Variants in KDM4C observed in about 807,000 individuals in gnomAD.
The protein encoded by KDM4C is lysine demethylase 4C, also known as lysine-specific demethylase 4C.
A neutral mutation model predicts 129.3 loss-of-function variants in KDM4C; 81 were observed. That is an observed-to-expected ratio of 0.63 (90% CI 0.52 to 0.75). The LOEUF (loss-of-function observed/expected upper bound fraction) is 0.75, where lower values mean the gene tolerates loss of function less well. Ranked by LOEUF, KDM4C falls within the 30% of genes least tolerant of loss-of-function variation. The pLI is 0.00. For missense variants in KDM4C, 1,457 were observed against 1,304.0 expected, an observed-to-expected ratio of 1.12 and a Z score of -1.81; for synonymous variants, 573 against 456.1, an observed-to-expected ratio of 1.26 and a Z score of -3.26.
chr9:6,942,700 T>C (rs938356395), intron 8 of KDM4C: 1 of 152,202 alleles, frequency 6.6e-6, no homozygotes, highest in Non-Finnish European at 1.5e-5. Flanking sequence ...ATTACAATTG[T>C]GTACTTCCTT....
chr9:6,923,902 G>A (rs538874475), intron 8 of KDM4C, among the ~76,000 whole-genome samples: 21 of 152,306 alleles, frequency 1.4e-4, no homozygotes, highest in Non-Finnish European at 2.5e-4. Context: ...AAAAAAGCAG[G>A]AATCTGAGAA....
chr9:6,843,858 A>G (rs1837402623), intron 4 of KDM4C, among the ~76,000 whole-genome samples: 1 of 152,130 alleles, frequency 6.6e-6, no homozygotes. Context: ...TGGACATGCC[A>G]TCTTTTTCTT....
intron 1 of KDM4C, among the ~76,000 whole-genome samples, chr9:6,749,473 G>A (rs568158373): frequency 2.0e-5 from 3 of 151,992 alleles, no homozygotes; most frequent in Non-Finnish European, 4.4e-5. Context: ...CTAAGTGTGG[G>A]CAATATGGTG....
At chr9:6,745,623 T>C (rs949726498) in intron 1 of KDM4C, among the ~76,000 whole-genome samples, 5 of 151,732 alleles carry the variant, frequency 3.3e-5, no homozygotes, top group Non-Finnish European at 7.4e-5. Context: ...TATTGTATTA[T>C]GTTACATTAC....
intron 8 of KDM4C, among the ~76,000 whole-genome samples, chr9:6,939,699 A>G (rs1407423535): frequency 6.6e-6 from 1 of 152,220 alleles, no homozygotes; most frequent in African/African-American, 2.4e-5. Flanking sequence ...AAGAATAGGC[A>G]GCAGTCTGTT....
chr9:7,097,310 T>A (rs1266400375), intron 17 of KDM4C, among the ~76,000 whole-genome samples: 1 of 152,220 alleles, frequency 6.6e-6, no homozygotes, highest in Non-Finnish European at 1.5e-5. Context: ...ACATAGCATC[T>A]AAACTCCGAG....
chr9:7,133,450 A>T (rs956049512), intron 19 of KDM4C, among the ~76,000 whole-genome samples: 1 of 152,068 alleles, frequency 6.6e-6, no homozygotes. Context: ...GTGTTTTCTG[A>T]GTGTATTTTT....
intron 8 of KDM4C, among the ~76,000 whole-genome samples, chr9:6,926,707 CGGA>C (rs1822625574): frequency 6.6e-6 from 1 of 152,126 alleles, no homozygotes; most frequent in Admixed American, 6.6e-5. Flanking sequence ...TTTAGAGAAA[CGGA>C]CATTCAGAAA....
intron 19 of KDM4C, among the ~76,000 whole-genome samples, chr9:7,154,030 G>T (rs1242571574): frequency 4.6e-5 from 7 of 152,184 alleles, no homozygotes; most frequent in African/African-American, 1.7e-4. Flanking sequence ...TCCTGGGCTG[G>T]TGCAGCCCAC....
At chr9:7,139,131 C>A (rs1036019680) in intron 19 of KDM4C, among the ~76,000 whole-genome samples, 3 of 152,028 alleles carry the variant, frequency 2.0e-5, no homozygotes, top group Non-Finnish European at 4.4e-5. Context: ...AAAAATTAGC[C>A]AGGCATGGTG....
chr9:7,092,082 A>G (rs1835872416), intron 17 of KDM4C, among the ~76,000 whole-genome samples: 1 of 152,208 alleles, frequency 6.6e-6, no homozygotes, highest in South Asian at 2.1e-4. Context: ...GGCAAACTGA[A>G]AAGAACTGAT....
chr9:7,001,787 G>T (rs1370806425), intron 12 of KDM4C, among the ~76,000 whole-genome samples: 1 of 151,940 alleles, frequency 6.6e-6, no homozygotes. Context: ...TCATGCTAGT[G>T]TTAATAGTTT....
chr9:6,904,925 C>G (rs934664284), intron 8 of KDM4C, among the ~76,000 whole-genome samples: 1 of 151,928 alleles, frequency 6.6e-6, no homozygotes, highest in East Asian at 1.9e-4. Context: ...TTTCTAAGTA[C>G]GAGCCTAGGC....
At chr9:6,815,983 G>T (rs1001618035) in intron 4 of KDM4C, among the ~76,000 whole-genome samples, 3 of 152,100 alleles carry the variant, frequency 2.0e-5, no homozygotes, top group African/African-American at 7.2e-5. Context: ...TTAATGACAA[G>T]AGAGTTTAAC....
At chr9:7,116,181 C>G (rs138094051) in intron 18 of KDM4C, among the ~76,000 whole-genome samples, 1 of 152,262 alleles carries the variant, frequency 6.6e-6, no homozygotes, top group Non-Finnish European at 1.5e-5. Context: ...TTCTTCTTTG[C>G]AAGCATCAGA....
intron 6 of KDM4C, among the ~76,000 whole-genome samples, chr9:6,882,810 G>A (rs920367226): frequency 1.2e-4 from 18 of 152,086 alleles, no homozygotes; most frequent in Middle Eastern, 3.4e-3. Flanking sequence ...GTGTGTGCGC[G>A]TGTGCACGTG....
intron 8 of KDM4C, among the ~76,000 whole-genome samples, chr9:6,916,644 A>G (rs777715289): frequency 1.6e-4 from 25 of 152,236 alleles, no homozygotes; most frequent in Non-Finnish European, 3.1e-4. Context: ...CTTTAGTTAC[A>G]GGCAAGATAA....
intron 4 of KDM4C, chr9:6,834,667 C>T (rs558372120): frequency 1.2e-5 from 10 of 809,572 alleles, no homozygotes; most frequent in Admixed American, 1.0e-4. Context: ...AGTGCCTCAT[C>T]GAGCATGGCA....
chr9:6,913,208 G>T (rs528784567), intron 8 of KDM4C, among the ~76,000 whole-genome samples: 68 of 151,892 alleles, frequency 4.5e-4, no homozygotes, highest in Non-Finnish European at 7.5e-4. Context: ...AATATAACTT[G>T]ATTATATTTT....
Sources: allele counts gnomAD v4.1 joint callset (sites outside exome capture counted in the v4.1 genomes callset), GRCh38; gene constraint gnomAD v4.1.1; transcripts MANE v1.5; gene names NCBI Gene and HGNC (gene_info 2026-07-23, HGNC 2026-07-21).